Variants in MTAP observed in about 807,000 individuals in gnomAD.
MTAP encodes the protein S-methyl-5'-thioadenosine phosphorylase.
MTAP carries 33 observed loss-of-function variants against 33.6 expected under a neutral mutation model. The ratio of observed to expected loss-of-function variants is 0.98; its 90% CI spans 0.74 to 1.31. MTAP has a LOEUF of 1.31. MTAP is among the 40% of genes most tolerant of loss of function. MTAP has a pLI of 0.00. For synonymous variants in MTAP, 148 were observed against 125.7 expected (o/e 1.18, Z -1.19); for missense variants, 367 against 360.0 (o/e 1.02, Z -0.16).
chr9:21,869,230 A>G (rs1383997769), downstream of MTAP, among the ~76,000 whole-genome samples: 2 of 151,976 alleles, frequency 1.3e-5, no homozygotes, highest in African/African-American at 2.4e-5. Flanking sequence ...CCTCTTCTCC[A>G]GTCTTTCCTT....
intron 1 of MTAP, among the ~76,000 whole-genome samples, chr9:21,898,089 C>T (rs1462813810): frequency 6.6e-6 from 1 of 152,124 alleles, no homozygotes; most frequent in Non-Finnish European, 1.5e-5. Context: ...ACATCTACAA[C>T]CATCTGATCT....
chr9:21,908,587 T>C (rs969289679), intron 1 of MTAP, among the ~76,000 whole-genome samples: 3 of 152,128 alleles, frequency 2.0e-5, no homozygotes, highest in Non-Finnish European at 4.4e-5. Flanking sequence ...TGTTTTTAAA[T>C]CCGCTCTGAC....
intron 1 of MTAP, among the ~76,000 whole-genome samples, chr9:21,806,700 T>G (rs1824217629): frequency 6.6e-6 from 1 of 152,136 alleles, no homozygotes; most frequent in South Asian, 2.1e-4. Context: ...TGCCATTGTC[T>G]GAGAGGACCT....
chr9:21,847,099 T>A (rs1405003300), intron 5 of MTAP, among the ~76,000 whole-genome samples: 1 of 152,190 alleles, frequency 6.6e-6, no homozygotes, highest in Non-Finnish European at 1.5e-5. Context: ...AAAGAGAGAC[T>A]GGCCTAGCCT....
chr9:21,867,017 A>G lies in MTAP; in HGVS notation c.*5003A>G, dbSNP rs533220924. 5.9e-5 allele frequency: 9 copies of G among 152,272 alleles called. No individual in the cohort carries two copies. The highest frequency in any genetic ancestry group is 1.9e-4 in the African/African-American group (8 of 41,564). The allele number at this position is 152,272 out of a possible 1,614,324, so 9.4% of individuals were successfully genotyped here. ...TTAAGTTTATTGCTGGTATACAGAA[A>G]TATGTTTTATTTTTGTATATTGACT... On this transcript the variant is annotated 3_prime_UTR_variant, in exon 8 of 8. Transcript: ENST00000644715.
chr9:21,836,143 T>A (rs1825100562), intron 4 of MTAP, among the ~76,000 whole-genome samples: 1 of 152,144 alleles, frequency 6.6e-6, no homozygotes, highest in African/African-American at 2.4e-5. Flanking sequence ...GACTTAATCT[T>A]CCTAACATCC....
At chr9:21,859,148 C>A in intron 6 of MTAP, 155 bp from the exon 7 acceptor site, 1 of 1,108,002 alleles carries the variant, frequency 9.0e-7, no homozygotes, top group South Asian at 1.7e-5. Flanking sequence ...AATGCCCAAC[C>A]TCCAAATACC....
At chr9:21,817,583 G>A (rs1182672962) in intron 3 of MTAP, among the ~76,000 whole-genome samples, 2 of 152,018 alleles carry the variant, frequency 1.3e-5, no homozygotes, top group Non-Finnish European at 2.9e-5. Flanking sequence ...CTTGACTGCA[G>A]CTTGCTTCTT....
chr9:21,819,269 T>G (rs1450230660), intron 4 of MTAP, among the ~76,000 whole-genome samples: 2 of 152,110 alleles, frequency 1.3e-5, no homozygotes, highest in African/African-American at 4.8e-5. Flanking sequence ...TGGGTATATC[T>G]CCTGATGCTT....
chr9:21,804,221 A>AT (rs1824145670), intron 1 of MTAP, among the ~76,000 whole-genome samples: 1 of 152,200 alleles, frequency 6.6e-6, no homozygotes, highest in Non-Finnish European at 1.5e-5. Flanking sequence ...ACTGAGATTA[A>AT]TTTTGAATGA....
At chr9:21,904,236 C>G (rs1462947127) in intron 1 of MTAP, among the ~76,000 whole-genome samples, 1 of 152,194 alleles carries the variant, frequency 6.6e-6, no homozygotes, top group Non-Finnish European at 1.5e-5. Context: ...GTCCTCTCCA[C>G]GTTCAGCCGC....
Position 21,862,950 on chromosome 9 carries a change from A to G in MTAP, c.*936A>G, listed in dbSNP as rs907100974. 6.1e-6 allele frequency: 6 copies of G among 982,490 alleles called. No homozygotes were observed. The highest frequency in any genetic ancestry group is 4.7e-5 in the South Asian group (1 of 21,222). 60.9% of individuals were successfully genotyped at this position (982,490 alleles called of 1,614,324 possible). On this transcript the variant is annotated 3_prime_UTR_variant, in exon 8 of 8. Transcript: ENST00000644715. Reference sequence around the variant, plus strand: ...AATAAAAGTGGATTTAGAAAGATCCAGTTCTTGAAAACACTGTTTCTGGTA... The same window carrying G: ...AATAAAAGTGGATTTAGAAAGATCCGGTTCTTGAAAACACTGTTTCTGGTA...
At chr9:21,925,759 G>GC (rs111336682) in intron 1 of MTAP, among the ~76,000 whole-genome samples, 56,546 of 152,100 alleles carry the variant, frequency 0.37, 13,770 homozygotes, top group African/African-American at 0.68. Flanking sequence ...CGCCACTCCA[G>GC]CAGCTCCTGG....
chr9:21,859,654 A>G (rs146131615), intron 7 of MTAP: 147 of 404,118 alleles, frequency 3.6e-4, no homozygotes, highest in African/African-American at 2.5e-3. Flanking sequence ...GAGTTTTATT[A>G]TCTCGTGTAC....
downstream of MTAP, among the ~76,000 whole-genome samples, chr9:21,868,771 A>G (rs933596775): frequency 6.6e-6 from 1 of 152,006 alleles, no homozygotes; most frequent in African/African-American, 2.4e-5. Flanking sequence ...CTCTCTCCCA[A>G]ACTGTTTTCC....
chr9:21,934,056 G>C (rs540806685), downstream of MTAP: 57 of 152,326 alleles, frequency 3.7e-4, no homozygotes, highest in African/African-American at 1.3e-3. This position sits in a 1 kb window ranked among gnomAD's most constrained non-coding sequence, Gnocchi z 5.0. Flanking sequence ...AGTTACAGCT[G>C]ATTCATGGAG....
chr9:21,826,521 T>A (rs1824806717), intron 4 of MTAP, among the ~76,000 whole-genome samples: 1 of 151,830 alleles, frequency 6.6e-6, no homozygotes, highest in Non-Finnish European at 1.5e-5. Context: ...GCAAGGATCC[T>A]TCCTTCTGCA....
intron 1 of MTAP, among the ~76,000 whole-genome samples, chr9:21,901,705 G>T (rs902356398): frequency 6.6e-5 from 10 of 152,128 alleles, no homozygotes; most frequent in African/African-American, 2.2e-4. Flanking sequence ...GAGTCTCAGG[G>T]GTTTGCCACA....
At position 21,863,864 on chromosome 9, in the gene MTAP, T is replaced by A. The variant is rs1221182351; in HGVS notation, c.*1850T>A. 2 of 985,702 alleles carry A rather than the reference T, an allele frequency of 2.0e-6. No homozygotes were observed. The highest frequency in any genetic ancestry group is 2.4e-6 in the Non-Finnish European group (2 of 829,922). The allele number at this position is 985,702 out of a possible 1,614,324, so 61.1% of individuals were successfully genotyped here. A position where few individuals can be genotyped will look rare whatever the true frequency, so the allele number is the denominator to read the frequency against. On this transcript the variant is annotated 3_prime_UTR_variant, in exon 8 of 8. Transcript: ENST00000644715. ...AAACAGTTACCCTCCAGTATTAATA[T>A]GACTCATTAGTGTGAGCCATTTGGG... is the stretch of plus-strand genomic sequence containing the variant.
Sources: gnomAD v4.1 joint callset for allele counts (sites outside exome capture counted in the v4.1 genomes callset) on GRCh38, gnomAD v4.1.1 for gene constraint, Gnocchi (gnomAD v3.1) non-coding constraint, MANE v1.5 for transcripts, NCBI Gene and HGNC (gene_info 2026-07-23, HGNC 2026-07-21) for gene names.